Variants in TTYH1 observed in about 807,000 individuals in gnomAD.
TTYH1 encodes the protein protein tweety homolog 1.
In TTYH1, 33 loss-of-function variants were observed where a neutral mutation model predicts 61.2. The ratio of observed to expected loss-of-function variants is 0.54; its 90% CI spans 0.41 to 0.72. The LOEUF is 0.72. TTYH1 is among the 30% of genes least tolerant of loss of function. The pLI, the probability that TTYH1 is intolerant of heterozygous loss-of-function variation, is 0.00. For synonymous variants in TTYH1, 308 were observed against 266.4 expected, an observed-to-expected ratio of 1.16 and a Z score of -1.52; for missense variants, 538 against 575.8, an observed-to-expected ratio of 0.93 and a Z score of 0.67.
intron 10 of TTYH1, among the ~76,000 whole-genome samples, chr19:54,435,288 G>A (rs2083520242): frequency 6.6e-6 from 1 of 152,112 alleles, no homozygotes; most frequent in Non-Finnish European, 1.5e-5. Flanking sequence ...CAATGACAAG[G>A]GCGGGTGCAG....
At position 54,421,140 on chromosome 19, in the gene TTYH1, CG is replaced by C. The variant is rs1214652256; in HGVS notation, c.306-134del. ...CCAGGCTGAAGTCGCCCTTTTCCCA[CG>C]GGCTGGCCCAATGAGGTGGGGCTGA... is the stretch of plus-strand genomic sequence containing the variant. On this transcript the variant is annotated intron_variant, in intron 2 of 13. Transcript: ENST00000376530. This position sits in a 1 kb window ranked among gnomAD's most constrained non-coding sequence, Gnocchi z 4.8. 2 of 632,522 alleles carry C rather than the reference CG, an allele frequency of 3.2e-6. No individual in the cohort carries two copies. The highest frequency in any genetic ancestry group is 2.8e-6 in the Non-Finnish European group (1 of 351,474). The allele number at this position is 632,522 out of a possible 1,614,324, so 39.2% of individuals were successfully genotyped here. A position where few individuals can be genotyped will look rare whatever the true frequency, so the allele number is the denominator to read the frequency against.
chr19:54,424,116 G>A (rs145842000), intron 4 of TTYH1, among the ~76,000 whole-genome samples: 4 of 151,904 alleles, frequency 2.6e-5, no homozygotes, highest in East Asian at 1.9e-4. Flanking sequence ...AGCAGAGATC[G>A]TGCCACTGCA....
At position 54,415,488 on chromosome 19, in the gene TTYH1, C is replaced by T; in HGVS notation, c.-65C>T. The T allele has an allele frequency of 2.3e-6, 3 of 1,297,176 alleles. No individual in the cohort carries two copies. The South Asian group carries it at 6.8e-5, about 30-fold the overall frequency. 80.4% of individuals were successfully genotyped at this position (1,297,176 alleles called of 1,614,324 possible). On this transcript the variant is annotated 5_prime_UTR_variant, in exon 1 of 14. Transcript: ENST00000376530. The surrounding 1 kb of genome is among the most constrained non-coding windows in gnomAD (Gnocchi z 5.2). Reference sequence around the variant, plus strand: ...CAGCCAGACCCCGCGCCGCCCGCGCCCCGCTCGACTCCGGAGGCTCCCGCA... The same window carrying T: ...CAGCCAGACCCCGCGCCGCCCGCGCTCCGCTCGACTCCGGAGGCTCCCGCA...
Position 54,420,173 on chromosome 19 carries a change from C to T in TTYH1, c.305+867C>T, listed in dbSNP as rs2083179266. ...ACCAAGAACGAGCTCTGAGCACAGCCCCCTCCCCGGCAGGGCAGCACCCAC... is the reference window on the plus strand; with the variant it reads ...ACCAAGAACGAGCTCTGAGCACAGCTCCCTCCCCGGCAGGGCAGCACCCAC... On this transcript the variant is annotated intron_variant, in intron 2 of 13. Transcript: ENST00000376530. The surrounding 1 kb of genome is among the most constrained non-coding windows in gnomAD (Gnocchi z 4.8). Among the ~76,000 whole-genome samples, 1 of 152,210 alleles carries T rather than the reference C, an allele frequency of 6.6e-6. No individual in the cohort carries two copies. The highest frequency in any genetic ancestry group is 1.5e-5 in the Non-Finnish European group (1 of 68,050).
Position 54,435,893 on chromosome 19 carries a change from G to C in TTYH1, c.1314+20G>C, listed in dbSNP as rs1308540313. The C allele has an allele frequency of 1.4e-5, 22 of 1,612,302 alleles. No homozygotes were observed. The highest frequency in any genetic ancestry group is 1.7e-5 in the Non-Finnish European group (20 of 1,179,380). On this transcript the variant is annotated intron_variant, in intron 12 of 13. Transcript: ENST00000376530. ...CCTCAGGTACTGGATGCCTGGGTCTGAGGGAGGAGGGGCGGGGGGTCCTGA... is the reference window on the plus strand; with the variant it reads ...CCTCAGGTACTGGATGCCTGGGTCTCAGGGAGGAGGGGCGGGGGGTCCTGA...
intron 5 of TTYH1, among the ~76,000 whole-genome samples, chr19:54,427,650 A>G (rs2083355197): frequency 6.6e-6 from 1 of 151,562 alleles, no homozygotes; most frequent in Non-Finnish European, 1.5e-5. Flanking sequence ...ATGATGATCT[A>G]TTGAGGGTCA....
chr19:54,422,090 C>G (rs1037199310), intron 3 of TTYH1, 100 bp from the exon 4 acceptor site: 1 of 943,962 alleles, frequency 1.1e-6, no homozygotes, highest in East Asian at 2.7e-5. Context: ...CTCAGACACC[C>G]GCTACTATGC....
chr19:54,423,881 G>C (rs2083269157), intron 4 of TTYH1, among the ~76,000 whole-genome samples: 1 of 152,158 alleles, frequency 6.6e-6, no homozygotes, highest in African/African-American at 2.4e-5. Context: ...TTACAGAGGG[G>C]ACCAGGCACG....
In TTYH1 at chr19:54,428,354, G is replaced by A. The variant is rs1387170307; in HGVS notation, c.735-953G>A. Among the ~76,000 whole-genome samples, 5 of 151,884 alleles carry A rather than the reference G, an allele frequency of 3.3e-5. No homozygotes were observed. The South Asian group carries it at 8.3e-4, about 25-fold the overall frequency. Reference sequence around the variant, plus strand: ...TCCGCCCGCCTCAGCCTCCCAAAGTGCCTGGATTACAGGCATGAGCCACCG... The same window carrying A: ...TCCGCCCGCCTCAGCCTCCCAAAGTACCTGGATTACAGGCATGAGCCACCG... On this transcript the variant is annotated intron_variant, in intron 5 of 13. Coordinates refer to ENST00000376530, the MANE Select transcript of TTYH1 (RefSeq NM_020659.4).
Position 54,419,388 on chromosome 19 carries a change from G to C in TTYH1, c.305+82G>C. The C allele has an allele frequency of 7.1e-7, 1 of 1,413,170 alleles. No homozygotes were observed. The allele number at this position is 1,413,170 out of a possible 1,614,324, so 87.5% of individuals were successfully genotyped here. On this transcript the variant is annotated intron_variant, in intron 2 of 13. Coordinates refer to ENST00000376530, the MANE Select transcript of TTYH1 (RefSeq NM_020659.4). This position sits in a 1 kb window ranked among gnomAD's most constrained non-coding sequence, Gnocchi z 6.1. ...TGGCCTTCCTGGGGGTGTCCTCCGG[G>C]GACATGGAGGAAGCAGACAGGAAGG...
Position 54,416,795 on chromosome 19 carries a change from G to A in TTYH1, c.126+1117G>A. 1 of 1,294,086 alleles carries A rather than the reference G, an allele frequency of 7.7e-7. No individual in the cohort carries two copies. Among genetic ancestry groups the A allele is most frequent in the Non-Finnish European group, 1.0e-6 (1 of 988,712 alleles). 80.2% of individuals were successfully genotyped at this position (1,294,086 alleles called of 1,614,324 possible). ...GCCGTCCCCTCGCCCACAGCCTCGC[G>A]GTTACACAACGGCCACCTCCAACAA... On this transcript the variant is annotated intron_variant, in intron 1 of 13. Transcript: ENST00000376530. This position sits in a 1 kb window ranked among gnomAD's most constrained non-coding sequence, Gnocchi z 7.0.
Position 54,415,548 on chromosome 19 carries a change from G to C in TTYH1, c.-5G>C, listed in dbSNP as rs769368574. The stretch of plus-strand genomic sequence containing the variant: ...TCCGCCCCGCTGCCCCCTCCCCCGG[G>C]GGCCATGGGGGCGCCCCCGGGCTAC... On this transcript the variant is annotated 5_prime_UTR_variant, in exon 1 of 14. Transcript: ENST00000376530. The surrounding 1 kb of genome is among the most constrained non-coding windows in gnomAD (Gnocchi z 5.2). The C allele has an allele frequency of 1.4e-6, 2 of 1,464,384 alleles. No individual in the cohort carries two copies. Among genetic ancestry groups the C allele is most frequent in the Admixed American group, 4.9e-5 (2 of 40,796 alleles). 90.7% of individuals were successfully genotyped at this position (1,464,384 alleles called of 1,614,324 possible).
chr19:54,429,910 A>T lies in TTYH1; in HGVS notation c.836A>T (p.Asp279Val). 6.2e-7 allele frequency: 1 copy of T among 1,613,932 alleles called. No individual in the cohort carries two copies. The highest frequency in any genetic ancestry group is 1.1e-5 in the South Asian group (1 of 91,076). The part of the protein sequence containing the change: ...VGLSDFCSNP[D>V]PYVLNLTQEE... The stretch of plus-strand genomic sequence containing the variant: ...CTCAGTGACTTCTGCTCCAATCCAG[A>T]CCCTTATGTTCTGAACCTGACCCAG... The change falls in exon 7 of 14, where the codon GAC becomes GTC. Residue 279 changes from aspartate to valine, a missense_variant. By Grantham distance (152) the Asp-to-Val change is radical. Transcript: ENST00000376530. The surrounding 1 kb of genome is among the most constrained non-coding windows in gnomAD (Gnocchi z 5.1).
intron 1 of TTYH1, among the ~76,000 whole-genome samples, chr19:54,417,627 T>TTA (rs10566959): frequency 2.6e-5 from 4 of 151,282 alleles, no homozygotes; most frequent in South Asian, 2.1e-4. Flanking sequence ...CACACTGCAC[T>TTA]TATATATATA....
Position 54,434,548 on chromosome 19 carries a change from G to A in TTYH1, c.1126-994G>A, listed in dbSNP as rs928407463. The stretch of plus-strand genomic sequence containing the variant: ...TACCTCGTTGCACACCAGCCTCTGA[G>A]ATGACCTTCTCGGTCCTGTTTACCG... On this transcript the variant is annotated intron_variant, in intron 10 of 13. Coordinates refer to ENST00000376530, the MANE Select transcript of TTYH1 (RefSeq NM_020659.4). This position sits in a 1 kb window ranked among gnomAD's most constrained non-coding sequence, Gnocchi z 4.3. 6.6e-6 allele frequency: 1 copy of A among 152,548 alleles called. No homozygotes were observed. Among genetic ancestry groups the A allele is most frequent in the Non-Finnish European group, 1.5e-5 (1 of 68,324 alleles). The allele number at this position is 152,548 out of a possible 1,614,324, so 9.4% of individuals were successfully genotyped here.
chr19:54,428,813 C>T (rs937049916), intron 5 of TTYH1, among the ~76,000 whole-genome samples: 3 of 152,152 alleles, frequency 2.0e-5, no homozygotes, highest in Admixed American at 6.5e-5. Context: ...GTTTGGGGAC[C>T]CCTGGGTGCC....
At position 54,419,267 on chromosome 19, in the gene TTYH1, G is replaced by A; in HGVS notation, c.266G>A (p.Cys89Tyr). The change falls in exon 2 of 14, where the codon TGC becomes TAC. Residue 89 changes from cysteine to tyrosine, a missense_variant. Around this residue, in one of 3 missense-constraint regions of TTYH1, gnomAD observed 157 missense variants for 157.0 expected, o/e 1.00. Transcript: ENST00000376530. This position sits in a 1 kb window ranked among gnomAD's most constrained non-coding sequence, Gnocchi z 6.1. ...AAGATCCCCTCGCCCGGGGGAGGCT[G>A]CGTCACCTGGAGCTGCATTGTCGCC... ...GSKIPSPGGG[C>Y]VTWSCIVALL... The A allele has an allele frequency of 6.2e-7, 1 of 1,605,330 alleles. No homozygotes were observed. The highest frequency in any genetic ancestry group is 8.5e-7 in the Non-Finnish European group (1 of 1,179,776).
chr19:54,424,569 C>A (rs1353713932), intron 4 of TTYH1, among the ~76,000 whole-genome samples: 1 of 152,246 alleles, frequency 6.6e-6, no homozygotes, highest in Non-Finnish European at 1.5e-5. Flanking sequence ...AGGGGCTGCA[C>A]AAGCCGGGCC....
chr19:54,435,290 C>A (rs1028230196), intron 10 of TTYH1, among the ~76,000 whole-genome samples: 9 of 152,024 alleles, frequency 5.9e-5, no homozygotes, highest in Non-Finnish European at 1.2e-4. Flanking sequence ...ATGACAAGGG[C>A]GGGTGCAGCT....
Sources: allele counts gnomAD v4.1 joint callset (sites outside exome capture counted in the v4.1 genomes callset), GRCh38; gene constraint gnomAD v4.1.1; regional missense constraint gnomAD v4.1.1; non-coding constraint Gnocchi (gnomAD v3.1); transcripts MANE v1.5; gene names NCBI Gene and HGNC (gene_info 2026-07-23, HGNC 2026-07-21).